The following TAL1 variants were observed in gnomAD, a reference collection of about 807,000 sequenced individuals.
TAL1 encodes T-cell acute lymphocytic leukemia protein 1.
Under a neutral mutation model 17.9 loss-of-function variants are expected in TAL1, and 8 were observed. That is an observed-to-expected ratio of 0.45 (90% CI 0.26 to 0.81). The LOEUF is 0.81. TAL1 is among the 30% of genes least tolerant of loss of function. TAL1 has a pLI of 0.17. For synonymous variants in TAL1, 223 were observed against 218.6 expected, an observed-to-expected ratio of 1.02 and a Z score of -0.18; for missense variants, 466 against 486.9, an observed-to-expected ratio of 0.96 and a Z score of 0.40.
At chr1:47,222,322 A>T (rs1007514268) in intron 3 of TAL1, among the ~76,000 whole-genome samples, 12 of 152,148 alleles carry the variant, frequency 7.9e-5, no homozygotes, top group Non-Finnish European at 1.6e-4. Flanking sequence ...TAGCTGTGTG[A>T]CCCAGGACTT....
chr1:47,217,906 A>G (rs1645530931), exon 4 of TAL1: 1 of 397,240 alleles, frequency 2.5e-6, no homozygotes, highest in Non-Finnish European at 4.4e-6. Flanking sequence ...TCACCAAAAC[A>G]TGATCTGGGG....
chr1:47,218,545 G>A (rs1645544998), exon 4 of TAL1: 1 of 232,918 alleles, frequency 4.3e-6, no homozygotes, highest in Non-Finnish European at 8.5e-6. Context: ...GGGTGTTTAA[G>A]GTTCTGCTAA....
chr1:47,223,208 G>A (rs1481865942), intron 3 of TAL1, among the ~76,000 whole-genome samples: 6 of 152,202 alleles, frequency 3.9e-5, no homozygotes, highest in Admixed American at 3.3e-4. Flanking sequence ...CCAAGCTGAA[G>A]TTCTGGGGGC....
chr1:47,219,280 T>C (rs577562038), exon 4 of TAL1: 97 of 460,306 alleles, frequency 2.1e-4, no homozygotes, highest in Admixed American at 1.7e-3. Context: ...CCTATAAATA[T>C]GGACAGAAGT....
chr1:47,218,103 G>T (rs918423184), exon 4 of TAL1: 9 of 257,350 alleles, frequency 3.5e-5, no homozygotes, highest in Non-Finnish European at 6.7e-5. Context: ...TATAAGGGGG[G>T]GCTTTCCAGA....
intron 1 of TAL1, chr1:47,227,344 G>T (rs1643928425): frequency 6.6e-6 from 1 of 152,032 alleles, no homozygotes; most frequent in African/African-American, 2.4e-5. Flanking sequence ...TATATAATTG[G>T]GTATTTAAAA....
At chr1:47,216,555 G>T in exon 4 of TAL1, 1 of 231,726 alleles carries the variant, frequency 4.3e-6, no homozygotes, top group Non-Finnish European at 8.6e-6. Context: ...ACACGGGCAG[G>T]GGGCAAGTCT....
At chr1:47,225,158 C>T (rs760405780) in intron 2 of TAL1, among the ~76,000 whole-genome samples, 2 of 152,194 alleles carry the variant, frequency 1.3e-5, no homozygotes, top group Non-Finnish European at 2.9e-5. Context: ...CACATGCCTG[C>T]ACCCGCGAAG....
chr1:47,221,282 C>T (rs1206247424), intron 3 of TAL1, among the ~76,000 whole-genome samples: 6 of 152,218 alleles, frequency 3.9e-5, no homozygotes, highest in African/African-American at 1.2e-4. Context: ...CAGCTATGCA[C>T]AGCCATGGCC....
rs753513201 is a variant in TAL1 at position 47,224,057 on chromosome 1, G to A, written c.488C>T (p.Thr163Ile). Residue 163 changes from threonine to isoleucine, a missense_variant, in exon 3 of 4, where the codon ACC (threonine) becomes ATC (isoleucine). By Grantham distance (89) the Thr-to-Ile change is moderately conservative (BLOSUM62 -1). Coordinates refer to ENST00000294339, the Ensembl canonical transcript of TAL1. ...AGGTCTCCTCTTCACTCGATTGTTGGTGGTGAACATAGGGAAGGCATCCGG... is the reference window on the plus strand; with the variant it reads ...AGGTCTCCTCTTCACTCGATTGTTGATGGTGAACATAGGGAAGGCATCCGG... The A allele has an allele frequency of 1.2e-5, 20 of 1,613,818 alleles. No individual in the cohort carries two copies. The Admixed American group carries it at 2.3e-4, about 19-fold the overall frequency.
upstream of TAL1, chr1:47,231,096 C>G (rs936742139): frequency 2.4e-5 from 4 of 163,920 alleles, no homozygotes; most frequent in Non-Finnish European, 2.7e-5. Flanking sequence ...CCGCAGCTAC[C>G]GGCTCGAAGG....
intron 3 of TAL1, 144 bp from the exon 5 acceptor site, chr1:47,220,318 C>T (rs1557674716): frequency 1.5e-6 from 2 of 1,348,450 alleles, no homozygotes; most frequent in Non-Finnish European, 1.9e-6. Context: ...ATTCAAGTTC[C>T]TGTGCTTCCT....
intron 1 of TAL1, chr1:47,226,136 C>A: frequency 4.3e-6 from 2 of 469,442 alleles, no homozygotes; most frequent in South Asian, 7.5e-5. Flanking sequence ...AGACTGAGGG[C>A]CAAAAGGACA....
exon 4 of TAL1, chr1:47,219,354 C>A (rs1317087940): frequency 9.0e-6 from 5 of 557,336 alleles, no homozygotes; most frequent in Non-Finnish European, 1.7e-5. Context: ...CTGCTGGATG[C>A]CTCAGATGAG....
chr1:47,217,387 TCACA>T (rs143131127), exon 4 of TAL1: 21 of 352,288 alleles, frequency 6.0e-5, no homozygotes, highest in Non-Finnish European at 8.6e-5. Flanking sequence ...ACACCGTCTC[TCACA>T]CACACACACA....
chr1:47,219,740 C>CGGCGGCA lies in TAL1; in HGVS notation c.969_975dup (p.Asp326CysfsTer23). On this transcript the variant is annotated frameshift_variant, in exon 4 of 4. Coordinates refer to ENST00000294339, the Ensembl canonical transcript of TAL1. LOFTEE classifies it high-confidence loss of function. ...ACCCATCACCGAGGGCCGGCTCCAT[C>CGGCGGCA]GGCGGCAGGCAGCATGGCAGGATGG... 1.2e-6 allele frequency: 2 copies of CGGCGGCA among 1,610,114 alleles called. No individual in the cohort carries two copies. The highest frequency in any genetic ancestry group is 2.2e-5 in the South Asian group (2 of 91,074).
upstream of TAL1, chr1:47,231,733 G>C (rs1391824550): frequency 4.3e-6 from 1 of 233,558 alleles, no homozygotes. Context: ...GCCTCGAAGG[G>C]TCCACATCTA....
intron 3 of TAL1, among the ~76,000 whole-genome samples, 194 bp from the exon 5 acceptor site, chr1:47,220,368 A>G (rs1031666816): frequency 6.6e-6 from 1 of 152,178 alleles, no homozygotes; most frequent in African/African-American, 2.4e-5. Flanking sequence ...GACAGATGTA[A>G]CCAACCACCA....
At chr1:47,230,136 C>A (rs943395360), upstream of TAL1, 1 of 151,988 alleles carries the variant, frequency 6.6e-6, no homozygotes, top group Non-Finnish European at 1.5e-5. Context: ...ACCACCCCTA[C>A]GAAATGATTT....
Sources: gnomAD v4.1 joint callset for allele counts (sites outside exome capture counted in the v4.1 genomes callset) on GRCh38, gnomAD v4.1.1 for gene constraint, MANE v1.5 for transcripts, NCBI Gene and HGNC (gene_info 2026-07-23, HGNC 2026-07-21) for gene names.